TINAG: variants seen among roughly 807,000 people sequenced by gnomAD.
TINAG encodes tubulointerstitial nephritis antigen.
In TINAG, 83 loss-of-function variants were observed where a neutral mutation model predicts 72.7. The observed-to-expected ratio is 1.14, with a 90% CI of 0.96 to 1.37. The LOEUF (loss-of-function observed/expected upper bound fraction) is 1.37. Ranked by LOEUF, TINAG falls within the 40% of genes most tolerant of loss-of-function variation. The pLI is 0.00. For missense variants in TINAG, 685 were observed against 576.6 expected, an observed-to-expected ratio of 1.19 and a Z score of -1.93; for synonymous variants, 234 against 189.9, an observed-to-expected ratio of 1.23 and a Z score of -1.91.
At chr6:54,328,554 T>A (rs947244444) in intron 4 of TINAG, among the ~76,000 whole-genome samples, 35 of 152,196 alleles carry the variant, frequency 2.3e-4, no homozygotes, top group African/African-American at 7.9e-4. Flanking sequence ...AAAACCAGAA[T>A]GCCTCTTCTT....
intron 4 of TINAG, among the ~76,000 whole-genome samples, chr6:54,339,979 T>C (rs965595442): frequency 6.6e-6 from 1 of 152,176 alleles, no homozygotes; most frequent in Non-Finnish European, 1.5e-5. Context: ...GAATTTATTC[T>C]GAGGTTCCTG....
intron 5 of TINAG, among the ~76,000 whole-genome samples, chr6:54,346,389 G>T (rs1344981549): frequency 6.6e-6 from 1 of 151,654 alleles, no homozygotes; most frequent in African/African-American, 2.4e-5. Flanking sequence ...CAAAAGAATA[G>T]AAGTTTTAAT....
In TINAG at chr6:54,364,855, C is replaced by T. The variant is rs1316765405; in HGVS notation, c.1250+10219C>T. 2.6e-5 allele frequency among the ~76,000 whole-genome samples: 4 copies of T among 151,214 alleles called. No individual in the cohort carries two copies. The Admixed American group carries it at 2.7e-4, about 10-fold the overall frequency. On this transcript the variant is annotated intron_variant, in intron 9 of 10. Transcript: ENST00000259782. ...TTAGGAGAGCAGAAAAATAATGCCT[C>T]AGTACTGAATTTTAATGTATTTTTA...
intron 9 of TINAG, among the ~76,000 whole-genome samples, chr6:54,363,617 A>G (rs1169981804): frequency 2.5e-4 from 31 of 124,086 alleles, no homozygotes; most frequent in African/African-American, 9.9e-4. Flanking sequence ...GCCAACGGGT[A>G]TCAAAAAAAA....
chr6:54,363,840 G>A (rs1033766689), intron 9 of TINAG, among the ~76,000 whole-genome samples: 2 of 151,440 alleles, frequency 1.3e-5, no homozygotes, highest in African/African-American at 2.4e-5. Context: ...TGCTAATGTA[G>A]GGTTTCTTAG....
chr6:54,333,076 T>G (rs1016471117), intron 4 of TINAG, among the ~76,000 whole-genome samples: 13 of 152,142 alleles, frequency 8.5e-5, no homozygotes, highest in African/African-American at 3.1e-4. Flanking sequence ...CTCAAAGATC[T>G]AGAACTAGAA....
Position 54,326,956 on chromosome 6 carries a change from T to C in TINAG, c.624+40T>C, listed in dbSNP as rs75206304. On this transcript the variant is annotated intron_variant, in intron 4 of 10. Coordinates refer to ENST00000259782, the MANE Select transcript of TINAG (RefSeq NM_014464.4). ...TGATTCACGTATGTGCATGTATTTG[T>C]AAAAGTGTGTTTGTGTGTGCATTAA... 3,821 of 1,611,898 alleles carry C rather than the reference T, an allele frequency of 2.4e-3. 72 individuals are homozygous for C. In the African/African-American group the frequency reaches 0.043, roughly 18 times the overall value.
chr6:54,329,496 A>G (rs1018798143), intron 4 of TINAG, among the ~76,000 whole-genome samples: 16 of 152,128 alleles, frequency 1.1e-4, no homozygotes, highest in Non-Finnish European at 1.3e-4. Context: ...GAAAGGAAAA[A>G]CTGGTACCAG....
chr6:54,341,749 T>C (rs1785000297), intron 4 of TINAG, among the ~76,000 whole-genome samples: 1 of 152,128 alleles, frequency 6.6e-6, no homozygotes, highest in Admixed American at 6.6e-5. Context: ...AACTTTTAAA[T>C]TGGTAAAAAT....
chr6:54,366,788 G>GC (rs1205829423), intron 9 of TINAG, among the ~76,000 whole-genome samples: 7 of 151,676 alleles, frequency 4.6e-5, no homozygotes, highest in Non-Finnish European at 8.9e-5. Context: ...ATGTAGTCAG[G>GC]CAAGTAGAAA....
At chr6:54,323,450 T>C (rs1784537027) in intron 3 of TINAG, among the ~76,000 whole-genome samples, 1 of 152,236 alleles carries the variant, frequency 6.6e-6, no homozygotes, top group African/African-American at 2.4e-5. Context: ...TCAATATTTA[T>C]TAAGTGCTTT....
At chr6:54,316,661 T>C (rs1421910827) in intron 1 of TINAG, among the ~76,000 whole-genome samples, 2 of 152,146 alleles carry the variant, frequency 1.3e-5, no homozygotes, top group Non-Finnish European at 2.9e-5. Flanking sequence ...AACATGTCAT[T>C]ATCTTTTTGC....
At chr6:54,354,401 T>C in intron 8 of TINAG, 112 bp from the exon 9 acceptor site, 1 of 976,270 alleles carries the variant, frequency 1.0e-6, no homozygotes, top group South Asian at 1.8e-5. Flanking sequence ...CAGCCCCTTC[T>C]TAGATTCATC....
intron 9 of TINAG, among the ~76,000 whole-genome samples, chr6:54,374,487 C>A (rs1279939426): frequency 1.3e-5 from 2 of 152,196 alleles, no homozygotes; most frequent in African/African-American, 4.8e-5. Context: ...TTAATTAGCA[C>A]TTTTTCATAT....
At position 54,343,333 on chromosome 6, in the gene TINAG, G is replaced by A; in HGVS notation, c.732G>A (p.Trp244Ter). 6.5e-7 allele frequency: 1 copy of A among 1,547,902 alleles called. No individual in the cohort carries two copies. The highest frequency in any genetic ancestry group is 2.4e-5 in the East Asian group (1 of 42,518). The change falls in exon 5 of 11, where the codon TGG (tryptophan) becomes TGA (stop). Residue 244 changes from tryptophan (W) to a stop codon, truncating the protein, a stop_gained. Coordinates refer to ENST00000259782, the MANE Select transcript of TINAG (RefSeq NM_014464.4). LOFTEE classifies it high-confidence loss of function. ...PLDQKNCAAS[W>*]AFSTASVAAD... ...ATCAAAAAAATTGTGCTGCATCCTGGGCATTTTCCACTGCAAGTAATAAAG... is the reference window on the plus strand; with the variant it reads ...ATCAAAAAAATTGTGCTGCATCCTGAGCATTTTCCACTGCAAGTAATAAAG...
At chr6:54,386,955 T>A (rs147808581) in intron 10 of TINAG, among the ~76,000 whole-genome samples, 121 of 152,252 alleles carry the variant, frequency 7.9e-4, no homozygotes, top group African/African-American at 2.6e-3. Flanking sequence ...GACAGTATTA[T>A]AAGAAAAAGT....
intron 9 of TINAG, among the ~76,000 whole-genome samples, chr6:54,371,234 G>C (rs1299984636): frequency 6.6e-6 from 1 of 151,930 alleles, no homozygotes; most frequent in Admixed American, 6.6e-5. Flanking sequence ...CGAGGATACT[G>C]GGGTCAAGCT....
intron 9 of TINAG, among the ~76,000 whole-genome samples, chr6:54,378,891 C>G (rs536643451): frequency 1.8e-4 from 27 of 152,212 alleles, no homozygotes; most frequent in Admixed American, 1.5e-3. Flanking sequence ...TCTTCCCTCA[C>G]TCTCATGCCA....
At chr6:54,364,570 T>A (rs1236697536) in intron 9 of TINAG, among the ~76,000 whole-genome samples, 1 of 151,450 alleles carries the variant, frequency 6.6e-6, no homozygotes, top group Non-Finnish European at 1.5e-5. Context: ...CTCAGTGATT[T>A]TAGGATTCTT....
Sources: allele counts gnomAD v4.1 joint callset (sites outside exome capture counted in the v4.1 genomes callset), GRCh38; gene constraint gnomAD v4.1.1; transcripts MANE v1.5; gene names NCBI Gene and HGNC (gene_info 2026-07-23, HGNC 2026-07-21).